DIAPH2: variants seen among roughly 807,000 people sequenced by gnomAD.
The protein encoded by DIAPH2 is diaphanous related formin 2, also known as protein diaphanous homolog 2.
Under a neutral mutation model 92.7 loss-of-function variants are expected in DIAPH2, and 35 were observed. That is an observed-to-expected ratio of 0.38 (90% confidence interval 0.29 to 0.50). The LOEUF (loss-of-function observed/expected upper bound fraction) is 0.50. Ranked by LOEUF, DIAPH2 falls within the 20% of genes least tolerant of loss-of-function variation. The pLI is 0.94. For synonymous variants in DIAPH2, 301 were observed against 280.4 expected, an observed-to-expected ratio of 1.07 and a Z score of -0.73; for missense variants, 701 against 819.5, an observed-to-expected ratio of 0.86 and a Z score of 1.77.
rs536240192 is a variant in DIAPH2, at chrX:97,334,336, G to A, written c.2845-13780G>A. The stretch of plus-strand genomic sequence containing the variant: ...AAATTAGCCGAGCGTGGTGGCGGGC[G>A]CCTGTAGTCCCAGCTACTCGGGAGG... On this transcript the variant is annotated intron_variant, in intron 23 of 26. Transcript: ENST00000324765. Among the ~76,000 whole-genome samples the A allele has an allele frequency of 5.5e-5, 6 of 109,533 alleles. No individual in the cohort carries two copies. The East Asian group carries it at 1.2e-3, about 21-fold the overall frequency.
At chrX:96,888,442 G>A (rs1172988150) in intron 5 of DIAPH2, among the ~76,000 whole-genome samples, 1 of 105,448 alleles carries the variant, frequency 9.5e-6, no homozygotes, top group East Asian at 2.9e-4. Context: ...AAAAAATAAT[G>A]AAAAATTATG....
At chrX:96,953,012 A>G (rs1247797996) in intron 15 of DIAPH2, among the ~76,000 whole-genome samples, 1 of 109,103 alleles carries the variant, frequency 9.2e-6, no homozygotes, top group Non-Finnish European at 1.9e-5. Flanking sequence ...CCAGTTAGTC[A>G]GGAGACTGAG....
chrX:96,901,493 T>C (rs762617254), intron 5 of DIAPH2, among the ~76,000 whole-genome samples: 2 of 107,313 alleles, frequency 1.9e-5, no homozygotes, highest in South Asian at 8.2e-4. Flanking sequence ...TTTCTTTTCT[T>C]CTTCTAGCTT....
chrX:97,351,920 C>T (rs2069219184), intron 24 of DIAPH2, among the ~76,000 whole-genome samples: 1 of 111,296 alleles, frequency 9.0e-6, no homozygotes, highest in Non-Finnish European at 1.9e-5. Flanking sequence ...ACTCCTAAAT[C>T]AACATCACCA....
chrX:97,419,708 A>G (rs2069987485), intron 25 of DIAPH2, among the ~76,000 whole-genome samples: 1 of 111,882 alleles, frequency 8.9e-6, no homozygotes, highest in African/African-American at 3.2e-5. Flanking sequence ...AAATTTCAAT[A>G]TAAATCTCTT....
At chrX:96,861,062 A>G (rs1165418133) in intron 4 of DIAPH2, among the ~76,000 whole-genome samples, 1 of 111,512 alleles carries the variant, frequency 9.0e-6, no homozygotes, top group Non-Finnish European at 1.9e-5. Flanking sequence ...ATCATGTTCT[A>G]TGGACCAGGA....
chrX:97,052,094 C>T (rs940027306), intron 17 of DIAPH2, among the ~76,000 whole-genome samples: 2 of 111,108 alleles, frequency 1.8e-5, no homozygotes, highest in Non-Finnish European at 3.8e-5. Context: ...AAGAATAAGA[C>T]GTGTTCAACT....
At chrX:97,236,943 G>A (rs1177992584) in intron 22 of DIAPH2, among the ~76,000 whole-genome samples, 1 of 111,723 alleles carries the variant, frequency 9.0e-6, no homozygotes, top group African/African-American at 3.2e-5. Context: ...TTCATTTATC[G>A]CATCTAGTTT....
intron 26 of DIAPH2, among the ~76,000 whole-genome samples, chrX:97,596,653 A>C (rs751428704): frequency 8.9e-6 from 1 of 111,794 alleles, no homozygotes; most frequent in African/African-American, 3.3e-5. Flanking sequence ...AAATTAATGT[A>C]TATCACCTCT....
chrX:97,266,843 C>T (rs1441881190), intron 23 of DIAPH2, among the ~76,000 whole-genome samples: 1 of 111,879 alleles, frequency 8.9e-6, no homozygotes, highest in East Asian at 2.8e-4. Flanking sequence ...AGAAAAATTA[C>T]TGCACTTTGC....
At chrX:97,399,093 A>G (rs1174391627) in intron 25 of DIAPH2, among the ~76,000 whole-genome samples, 1 of 111,586 alleles carries the variant, frequency 9.0e-6, no homozygotes, top group Admixed American at 9.5e-5. Context: ...ATTGATGCTG[A>G]CATACCAAAG....
At chrX:97,568,978 G>A (rs141652708) in intron 26 of DIAPH2, among the ~76,000 whole-genome samples, 1,909 of 111,813 alleles carry the variant, frequency 0.017, 37 homozygotes, top group African/African-American at 0.059. Flanking sequence ...ATGACGTTTT[G>A]CTCATTTAAA....
At position 97,600,392 on chromosome X, in the gene DIAPH2, A is replaced by G. The variant is rs1343395609; in HGVS notation, c.*1075A>G. The G allele has an allele frequency of 3.6e-5, 4 of 111,347 alleles. No individual in the cohort carries two copies. Among genetic ancestry groups the G allele is most frequent in the African/African-American group, 1.3e-4 (4 of 29,925 alleles). The allele number at this position is 111,347 out of a possible 1,213,427, so 9.2% of individuals were successfully genotyped here. ...TTCCAATTTCACTTTGGTGGTCTGA[A>G]GAAGAAAAAGAAATTTTATGTATGT... is the stretch of plus-strand genomic sequence containing the variant. On this transcript the variant is annotated 3_prime_UTR_variant, in exon 27 of 27. Transcript: ENST00000324765.
intron 4 of DIAPH2, among the ~76,000 whole-genome samples, chrX:96,770,451 T>A (rs758922262): frequency 1.8e-5 from 2 of 111,890 alleles, no homozygotes; most frequent in Non-Finnish European, 3.8e-5. Flanking sequence ...TTGAATATGT[T>A]CTGTGAAAAA....
At chrX:97,151,237 A>G (rs1247992440) in intron 22 of DIAPH2, among the ~76,000 whole-genome samples, 1 of 111,457 alleles carries the variant, frequency 9.0e-6, no homozygotes, top group South Asian at 3.8e-4. Flanking sequence ...GGCCACTTAT[A>G]TGCACTTTTC....
At chrX:97,124,008 C>T (rs1189125665) in intron 21 of DIAPH2, among the ~76,000 whole-genome samples, 2 of 111,852 alleles carry the variant, frequency 1.8e-5, no homozygotes, top group Non-Finnish European at 3.8e-5. Context: ...AAAATGATAG[C>T]CTCAATTTTT....
At chrX:97,423,479 GACAAC>G (rs973682092) in intron 25 of DIAPH2, among the ~76,000 whole-genome samples, 36 of 111,791 alleles carry the variant, frequency 3.2e-4, no homozygotes, top group African/African-American at 1.1e-3. Flanking sequence ...TGAAAATTAA[GACAAC>G]ACAACACAAG....
At chrX:97,578,435 C>T (rs973752112) in intron 26 of DIAPH2, among the ~76,000 whole-genome samples, 1 of 105,396 alleles carries the variant, frequency 9.5e-6, no homozygotes, top group Non-Finnish European at 1.9e-5. Context: ...GTTTTTTGCT[C>T]TTGCGATAGT....
At chrX:97,252,887 A>G (rs1602451894) in intron 23 of DIAPH2, among the ~76,000 whole-genome samples, 1 of 111,779 alleles carries the variant, frequency 8.9e-6, no homozygotes, top group East Asian at 2.8e-4. Flanking sequence ...AGAAAGTTCA[A>G]TGCAAACATT....
Sources: gnomAD v4.1 joint callset for allele counts (sites outside exome capture counted in the v4.1 genomes callset) on GRCh38, gnomAD v4.1.1 for gene constraint, MANE v1.5 for transcripts, NCBI Gene and HGNC (gene_info 2026-07-23, HGNC 2026-07-21) for gene names.